Variants in PIK3CB observed in about 807,000 individuals in gnomAD.
The protein encoded by PIK3CB is phosphatidylinositol-4,5-bisphosphate 3-kinase catalytic subunit beta.
A neutral mutation model predicts 136.8 loss-of-function variants in PIK3CB; 39 were observed. The observed-to-expected ratio is 0.29, with a 90% CI of 0.22 to 0.37. The LOEUF (loss-of-function observed/expected upper bound fraction) is 0.37. Among genes scored for constraint, PIK3CB ranks in the 10% least tolerant of loss-of-function variants. The pLI, the probability that PIK3CB is intolerant of heterozygous loss-of-function variation, is 1.00. For missense variants in PIK3CB, 868 were observed against 1,275.4 expected, an observed-to-expected ratio of 0.68 and a Z score of 4.87; for synonymous variants, 428 against 436.6, an observed-to-expected ratio of 0.98 and a Z score of 0.25.
chr3:138,831,281 A>AAAATTAAATT (rs1553745243), intron 1 of PIK3CB, among the ~76,000 whole-genome samples: 3,156 of 148,334 alleles, frequency 0.021, 117 homozygotes, highest in African/African-American at 0.074. Context: ...AAAATAAAAT[A>AAAATTAAATT]AAATTAAATT....
At chr3:138,747,558 T>C (rs1244389931) in intron 4 of PIK3CB, among the ~76,000 whole-genome samples, 2 of 152,372 alleles carry the variant, frequency 1.3e-5, no homozygotes, top group East Asian at 1.9e-4. Context: ...TCTTTACATT[T>C]GTTTGCACTT....
At chr3:138,809,768 A>C (rs919586543) in intron 1 of PIK3CB, among the ~76,000 whole-genome samples, 3 of 152,124 alleles carry the variant, frequency 2.0e-5, no homozygotes, top group African/African-American at 7.2e-5. Context: ...AGTATGGATA[A>C]ATTTATAGAC....
intron 14 of PIK3CB, 116 bp from the exon 15 acceptor site, chr3:138,691,259 G>C: frequency 6.7e-6 from 6 of 891,524 alleles, no homozygotes; most frequent in Non-Finnish European, 1.0e-5. Context: ...TTTGGGCCAG[G>C]CTTGTTACAT....
At chr3:138,705,473 T>C (rs1004851840) in intron 11 of PIK3CB, among the ~76,000 whole-genome samples, 2 of 152,138 alleles carry the variant, frequency 1.3e-5, no homozygotes, top group Non-Finnish European at 2.9e-5. Flanking sequence ...TCTTGCCATA[T>C]TTGAAATTTA....
At chr3:138,789,977 C>T (rs1200770742) in intron 2 of PIK3CB, among the ~76,000 whole-genome samples, 1 of 152,116 alleles carries the variant, frequency 6.6e-6, no homozygotes, top group Non-Finnish European at 1.5e-5. Flanking sequence ...GCGTGAGCCA[C>T]CAGGCCCAGC....
intron 12 of PIK3CB, 118 bp from the exon 13 acceptor site, chr3:138,699,213 T>G: frequency 3.5e-6 from 1 of 284,218 alleles, no homozygotes. Context: ...GATACAAAAA[T>G]ATAATTCCAT....
chr3:138,699,045 C>T lies in PIK3CB; in HGVS notation c.1632G>A (p.Arg544=), dbSNP rs778051872. ...FLPVLKEILD[R]DPLSQLCENE... is the part of the protein sequence containing the mutation. ...TTTCACACAGTTGAGACAAGGGATCCCTGTCCAAGATTTCTTTCAATACAG... is the reference window on the plus strand; with the variant it reads ...TTTCACACAGTTGAGACAAGGGATCTCTGTCCAAGATTTCTTTCAATACAG... Residue 544 remains arginine (R), a synonymous_variant, in exon 13 of 24, where the codon AGG becomes AGA. Transcript: ENST00000674063. The T allele has an allele frequency of 6.3e-7, 1 of 1,596,958 alleles. No homozygotes were observed. Among genetic ancestry groups the T allele is most frequent in the Non-Finnish European group, 8.6e-7 (1 of 1,168,478 alleles).
intron 13 of PIK3CB, 107 bp from the exon 14 acceptor site, chr3:138,695,014 T>C (rs2044105821): frequency 1.9e-6 from 2 of 1,038,780 alleles, no homozygotes; most frequent in Non-Finnish European, 2.7e-6. Context: ...CAAAGCTCAC[T>C]TTTAATTATT....
intron 1 of PIK3CB, among the ~76,000 whole-genome samples, chr3:138,804,533 C>A (rs967010147): frequency 6.6e-6 from 1 of 152,106 alleles, no homozygotes; most frequent in African/African-American, 2.4e-5. Context: ...GAGCAAAAAG[C>A]TTGGAAACTA....
intron 13 of PIK3CB, among the ~76,000 whole-genome samples, chr3:138,695,837 C>T (rs1007123715): frequency 6.6e-6 from 1 of 152,002 alleles, no homozygotes; most frequent in Admixed American, 6.6e-5. Flanking sequence ...ACCTCTCCTT[C>T]CTGGATTCAA....
chr3:138,725,872 T>A (rs1449934077), intron 8 of PIK3CB, among the ~76,000 whole-genome samples: 1 of 152,238 alleles, frequency 6.6e-6, no homozygotes, highest in Non-Finnish European at 1.5e-5. Flanking sequence ...AACTTCAGAT[T>A]TTCCTCATTC....
chr3:138,655,661 TATC>T (rs2043178386), intron 23 of PIK3CB, 135 bp from the exon 24 acceptor site: 3 of 672,678 alleles, frequency 4.5e-6, no homozygotes, highest in East Asian at 2.6e-5. Context: ...CTTATTTAAA[TATC>T]ATCTGCAGGA....
At chr3:138,804,189 C>A (rs2046205920) in intron 1 of PIK3CB, among the ~76,000 whole-genome samples, 1 of 151,916 alleles carries the variant, frequency 6.6e-6, no homozygotes, top group African/African-American at 2.4e-5. Flanking sequence ...AATCACTTGG[C>A]CTCTTATAGA....
intron 5 of PIK3CB, among the ~76,000 whole-genome samples, chr3:138,740,903 C>T (rs1377729339): frequency 6.6e-6 from 1 of 152,164 alleles, no homozygotes; most frequent in Non-Finnish European, 1.5e-5. Context: ...TTCAGCCTCC[C>T]AAAGTGGCTG....
At chr3:138,798,257 C>G (rs897621036) in intron 1 of PIK3CB, among the ~76,000 whole-genome samples, 2 of 152,104 alleles carry the variant, frequency 1.3e-5, no homozygotes, top group Non-Finnish European at 2.9e-5. Flanking sequence ...CTAGAACTCC[C>G]CGGCCTCGGG....
intron 2 of PIK3CB, among the ~76,000 whole-genome samples, chr3:138,767,746 G>A (rs538287349): frequency 1.2e-3 from 184 of 152,288 alleles, no homozygotes; most frequent in African/African-American, 2.3e-3. Flanking sequence ...CTGAGGCTAC[G>A]GCTGGACCAG....
intron 7 of PIK3CB, among the ~76,000 whole-genome samples, chr3:138,733,771 G>A (rs1197282005): frequency 6.6e-6 from 1 of 152,092 alleles, no homozygotes; most frequent in Non-Finnish European, 1.5e-5. Flanking sequence ...CCAGTTACTT[G>A]GGAGGCTGAG....
intron 1 of PIK3CB, among the ~76,000 whole-genome samples, chr3:138,803,510 G>A (rs1408785170): frequency 6.6e-6 from 1 of 152,070 alleles, no homozygotes; most frequent in Non-Finnish European, 1.5e-5. Flanking sequence ...ATTATTACAC[G>A]TGGCCAGTAC....
intron 2 of PIK3CB, among the ~76,000 whole-genome samples, chr3:138,784,431 TCGTCTCCGTCTC>T (rs538932738): frequency 2.6e-5 from 4 of 151,210 alleles, no homozygotes; most frequent in African/African-American, 7.3e-5. Context: ...CCTCTCCCTC[TCGTCTCCGTCTC>T]CGTCTCCCAC....
Sources: gnomAD v4.1 joint callset for allele counts (sites outside exome capture counted in the v4.1 genomes callset) on GRCh38, gnomAD v4.1.1 for gene constraint, MANE v1.5 for transcripts, NCBI Gene and HGNC (gene_info 2026-07-23, HGNC 2026-07-21) for gene names.